The following CNTNAP5 variants were observed in gnomAD, a reference collection of about 807,000 sequenced individuals.
CNTNAP5 encodes contactin-associated protein-like 5.
A neutral mutation model predicts 150.2 loss-of-function variants in CNTNAP5; 72 were observed. That is an observed-to-expected ratio of 0.48 (90% CI 0.40 to 0.58). The LOEUF (loss-of-function observed/expected upper bound fraction) is 0.58, where lower values mean the gene tolerates loss of function less well. Ranked by LOEUF, CNTNAP5 falls within the 20% of genes least tolerant of loss-of-function variation. The pLI is 0.00. For synonymous variants in CNTNAP5, 672 were observed against 619.8 expected (o/e 1.08, Z -1.25); for missense variants, 1,636 against 1,626.2 (o/e 1.01, Z -0.10).
rs566481732 is a variant in CNTNAP5 at position 124,542,690 on chromosome 2, C to A, written c.1649+15234C>A. ...CTTATTTGGGTGTCTCTGGCACTTT[C>A]TTCTTATATTTTGTTTAGCTCCCAA... On this transcript the variant is annotated intron_variant, in intron 10 of 23. Coordinates refer to ENST00000682447, the MANE Select transcript of CNTNAP5 (RefSeq NM_001367498.1). 3.1e-4 allele frequency among the ~76,000 whole-genome samples: 47 copies of A among 152,232 alleles called. No homozygotes were observed. In the South Asian group the frequency reaches 9.1e-3, roughly 30 times the overall value.
At chr2:124,080,583 A>G (rs551335053) in intron 1 of CNTNAP5, among the ~76,000 whole-genome samples, 1 of 152,284 alleles carries the variant, frequency 6.6e-6, no homozygotes, top group East Asian at 1.9e-4. Context: ...GAACACTGAA[A>G]ATCATTTCCA....
intron 22 of CNTNAP5, 60 bp downstream of exon 22, chr2:124,903,160 A>C: frequency 9.0e-7 from 1 of 1,109,678 alleles, no homozygotes; most frequent in South Asian, 2.5e-5. Flanking sequence ...TTGTGTCTTC[A>C]AGAAGCTTCC....
chr2:124,499,000 C>A (rs1159757710), intron 7 of CNTNAP5, among the ~76,000 whole-genome samples: 1 of 152,042 alleles, frequency 6.6e-6, no homozygotes, highest in Admixed American at 6.6e-5. Context: ...CTCTGGCCAC[C>A]CAGAAAAGCA....
intron 14 of CNTNAP5, among the ~76,000 whole-genome samples, chr2:124,762,573 A>T: frequency 6.6e-6 from 1 of 152,112 alleles, no homozygotes; most frequent in Non-Finnish European, 1.5e-5. Context: ...TCTCTTTTAA[A>T]CCCATCAGTC....
At chr2:124,762,801 C>A (rs531289312) in intron 14 of CNTNAP5, among the ~76,000 whole-genome samples, 1 of 152,136 alleles carries the variant, frequency 6.6e-6, no homozygotes, top group African/African-American at 2.4e-5. Flanking sequence ...TGAGGTGTGA[C>A]TTTAGGCCAG....
At chr2:124,173,855 G>A (rs1684996540) in intron 1 of CNTNAP5, among the ~76,000 whole-genome samples, 1 of 152,198 alleles carries the variant, frequency 6.6e-6, no homozygotes, top group Admixed American at 6.5e-5. Context: ...GACTTTCATA[G>A]CTAGAGAGGA....
chr2:124,759,794 C>T (rs1194883063), intron 14 of CNTNAP5, among the ~76,000 whole-genome samples: 6 of 151,786 alleles, frequency 4.0e-5, no homozygotes, highest in Admixed American at 2.0e-4. Context: ...TCCCTCCCAC[C>T]CACCCCTGTG....
intron 16 of CNTNAP5, among the ~76,000 whole-genome samples, chr2:124,768,672 G>A (rs991366397): frequency 5.9e-5 from 9 of 152,018 alleles, no homozygotes; most frequent in African/African-American, 1.2e-4. Context: ...AGCCCTGATC[G>A]CACAGCTGGG....
intron 20 of CNTNAP5, 112 bp from the exon 21 acceptor site, chr2:124,869,562 AG>A: frequency 1.5e-6 from 1 of 657,016 alleles, no homozygotes; most frequent in East Asian, 2.8e-5. Flanking sequence ...AAAATCTCAG[AG>A]GGGGGTCTGC....
chr2:124,848,242 T>A lies in CNTNAP5; in HGVS notation c.3218-17064T>A, dbSNP rs185794634. Among the ~76,000 whole-genome samples, 5 of 152,338 alleles carry A rather than the reference T, an allele frequency of 3.3e-5. No homozygotes were observed. In the East Asian group the frequency reaches 9.7e-4, roughly 29 times the overall value. Reference sequence around the variant, plus strand: ...TTCTGCTTCTATGATTTCTACCTTTTTGGATTCCACATATAAGTAAGAACA... The same window carrying A: ...TTCTGCTTCTATGATTTCTACCTTTATGGATTCCACATATAAGTAAGAACA... On this transcript the variant is annotated intron_variant, in intron 19 of 23. Coordinates refer to ENST00000682447, the MANE Select transcript of CNTNAP5 (RefSeq NM_001367498.1).
At chr2:124,105,614 A>T (rs1012686622) in intron 1 of CNTNAP5, among the ~76,000 whole-genome samples, 1 of 151,858 alleles carries the variant, frequency 6.6e-6, no homozygotes, top group African/African-American at 2.4e-5. Context: ...TAAAATTTTA[A>T]CTGTTATTGT....
intron 14 of CNTNAP5, among the ~76,000 whole-genome samples, chr2:124,755,917 T>TTA (rs1680830855): frequency 6.6e-6 from 1 of 152,200 alleles, no homozygotes; most frequent in Non-Finnish European, 1.5e-5. Flanking sequence ...ATTTGTCACT[T>TTA]ATTAACTAGA....
At chr2:124,098,701 C>T (rs946967945) in intron 1 of CNTNAP5, among the ~76,000 whole-genome samples, 7 of 151,942 alleles carry the variant, frequency 4.6e-5, no homozygotes, top group Admixed American at 1.3e-4. Flanking sequence ...GAGCCTGAGC[C>T]GTACTCTCTG....
intron 3 of CNTNAP5, among the ~76,000 whole-genome samples, chr2:124,355,425 G>T (rs957011670): frequency 6.6e-6 from 1 of 152,076 alleles, no homozygotes; most frequent in Non-Finnish European, 1.5e-5. Context: ...GTGAGGGATG[G>T]TGTTGTGGAA....
chr2:124,874,215 T>C (rs1190063297), intron 21 of CNTNAP5, among the ~76,000 whole-genome samples: 2 of 152,104 alleles, frequency 1.3e-5, no homozygotes, highest in Non-Finnish European at 2.9e-5. Context: ...TTCTTAACTT[T>C]CAAGAGAGAT....
At chr2:124,064,571 C>A (rs1397077640) in intron 1 of CNTNAP5, among the ~76,000 whole-genome samples, 3 of 152,104 alleles carry the variant, frequency 2.0e-5, no homozygotes, top group African/African-American at 7.2e-5. Flanking sequence ...CTATTTTATT[C>A]TCTATCATGC....
chr2:124,110,344 T>TA (rs1406889535), intron 1 of CNTNAP5, among the ~76,000 whole-genome samples: 1 of 152,178 alleles, frequency 6.6e-6, no homozygotes, highest in Non-Finnish European at 1.5e-5. Flanking sequence ...TCTGGACTCA[T>TA]ATAATCGATG....
intron 13 of CNTNAP5, among the ~76,000 whole-genome samples, chr2:124,699,570 T>C (rs978945900): frequency 1.3e-5 from 2 of 152,160 alleles, no homozygotes; most frequent in African/African-American, 4.8e-5. Context: ...GTTGTGCGGA[T>C]GTGCCACCAC....
intron 3 of CNTNAP5, among the ~76,000 whole-genome samples, chr2:124,381,655 G>C (rs902235250): frequency 6.6e-6 from 1 of 152,106 alleles, no homozygotes; most frequent in Non-Finnish European, 1.5e-5. Context: ...GAAATGAAAG[G>C]CTTTGCTTGA....
Sources: gnomAD v4.1 joint callset for allele counts (sites outside exome capture counted in the v4.1 genomes callset) on GRCh38, gnomAD v4.1.1 for gene constraint, MANE v1.5 for transcripts, NCBI Gene and HGNC (gene_info 2026-07-23, HGNC 2026-07-21) for gene names.